Variants in SFTPD observed in about 807,000 individuals in gnomAD.
The protein encoded by SFTPD is surfactant protein D, also known as pulmonary surfactant-associated protein D.
Under a neutral mutation model 34.6 loss-of-function variants are expected in SFTPD, and 18 were observed. The ratio of observed to expected loss-of-function variants is 0.52; its 90% confidence interval spans 0.36 to 0.77. The LOEUF is 0.77. Among genes scored for constraint, SFTPD ranks in the 30% least tolerant of loss-of-function variants. The pLI is 0.00. For missense variants in SFTPD, 433 were observed against 468.9 expected, an observed-to-expected ratio of 0.92 and a Z score of 0.71; for synonymous variants, 155 against 180.9, an observed-to-expected ratio of 0.86 and a Z score of 1.15.
chr10:79,940,890 T>G, intron 6 of SFTPD, 102 bp from the exon 7 acceptor site: 1 of 740,714 alleles, frequency 1.4e-6, no homozygotes, highest in South Asian at 1.6e-5. Context: ...GGGCACATAT[T>G]GTGGGGCTGA....
In SFTPD at chr10:79,941,415, C is replaced by G; in HGVS notation, c.650G>C (p.Gly217Ala). The change falls in exon 6 of 8, where the codon GGA becomes GCA. Residue 217 changes from glycine (G) to alanine (A), a missense_variant. By Grantham distance (60) the Gly-to-Ala change is moderately conservative. Transcript: ENST00000372292. ...TACCTTACCTGGAAGCCCACTTTCT[C>G]CCTTTGCTCCTTTGTCTCCAGGAAT... ...KGIPGDKGAK[G>A]ESGLPDVASL... 6.2e-7 allele frequency: 1 copy of G among 1,614,102 alleles called. No individual in the cohort carries two copies. The highest frequency in any genetic ancestry group is 8.5e-7 in the Non-Finnish European group (1 of 1,179,976).
intron 1 of SFTPD, among the ~76,000 whole-genome samples, chr10:79,947,231 G>A (rs916772312): frequency 2.0e-5 from 3 of 152,246 alleles, no homozygotes; most frequent in Non-Finnish European, 4.4e-5. Flanking sequence ...GGCTGGGAGT[G>A]TGGTGCACAT....
intron 1 of SFTPD, among the ~76,000 whole-genome samples, chr10:79,967,436 G>A (rs553469225): frequency 0.034 from 3,969 of 117,524 alleles, 129 homozygotes; most frequent in Non-Finnish European, 0.051. Context: ...TTTCTTCACA[G>A]AATTGGAAAA....
intron 1 of SFTPD, among the ~76,000 whole-genome samples, chr10:79,962,407 G>A (rs999470554): frequency 3.9e-5 from 6 of 151,938 alleles, no homozygotes; most frequent in Non-Finnish European, 7.4e-5. Flanking sequence ...TGTGCTCTGT[G>A]TATGTAAATA....
At chr10:79,953,828 G>A (rs929398562), upstream of SFTPD, among the ~76,000 whole-genome samples, 35 of 151,802 alleles carry the variant, frequency 2.3e-4, no homozygotes, top group Admixed American at 2.3e-3. Context: ...AGTCCCATAG[G>A]CTTTCTTTAC....
intron 1 of SFTPD, among the ~76,000 whole-genome samples, chr10:79,979,052 C>T (rs1842877451): frequency 6.6e-6 from 1 of 152,014 alleles, no homozygotes; most frequent in South Asian, 2.1e-4. Flanking sequence ...TAAATACTAT[C>T]AACAAACTAT....
intron 1 of SFTPD, chr10:79,971,854 C>T (rs1170512594): frequency 6.6e-6 from 1 of 152,030 alleles, no homozygotes; most frequent in African/African-American, 2.4e-5. Context: ...AAATGTTTGA[C>T]CTTCATGTAC....
intron 1 of SFTPD, among the ~76,000 whole-genome samples, chr10:79,974,727 A>G (rs896983490): frequency 1.3e-5 from 2 of 152,252 alleles, no homozygotes; most frequent in African/African-American, 4.8e-5. Flanking sequence ...GTATATATAC[A>G]GATGTGCCTA....
chr10:79,941,911 G>A (rs777209563), intron 5 of SFTPD, 43 bp downstream of exon 5: 4 of 1,310,692 alleles, frequency 3.1e-6, no homozygotes, highest in Middle Eastern at 2.3e-4. Flanking sequence ...AGCAGGCACA[G>A]GAGAACTGGA....
intron 1 of SFTPD, chr10:79,972,171 C>G (rs1194309558): frequency 6.6e-6 from 1 of 152,140 alleles, no homozygotes; most frequent in Admixed American, 6.6e-5. Flanking sequence ...AATTGGAGAG[C>G]AAAACTAAGG....
chr10:79,972,081 CT>C (rs1365706360), intron 1 of SFTPD: 1 of 152,180 alleles, frequency 6.6e-6, no homozygotes, highest in Non-Finnish European at 1.5e-5. Context: ...AGGTATCAGT[CT>C]TATTACACCA....
At chr10:79,967,156 C>T (rs373448624) in intron 1 of SFTPD, among the ~76,000 whole-genome samples, 7,007 of 119,424 alleles carry the variant, frequency 0.059, 301 homozygotes, top group South Asian at 0.17. Flanking sequence ...TATACACCAA[C>T]AACAGACAAA....
intron 1 of SFTPD, chr10:79,971,424 A>G (rs1480153979): frequency 6.6e-6 from 1 of 152,228 alleles, no homozygotes; most frequent in Admixed American, 6.5e-5. Flanking sequence ...AAGTTTGAGA[A>G]GAATTGGTAT....
chr10:79,957,873 G>A (rs1842749064), intron 1 of SFTPD, among the ~76,000 whole-genome samples: 1 of 152,120 alleles, frequency 6.6e-6, no homozygotes, highest in Non-Finnish European at 1.5e-5. Context: ...TTGAAATGAA[G>A]GAAAAAATGT....
At chr10:79,964,616 G>T (rs553513684) in intron 1 of SFTPD, among the ~76,000 whole-genome samples, 5 of 152,072 alleles carry the variant, frequency 3.3e-5, no homozygotes, top group Admixed American at 6.6e-5. Flanking sequence ...GTTACAAGCC[G>T]CTAGCCCGCC....
At chr10:79,944,018 C>T (rs201526167) in intron 2 of SFTPD, among the ~76,000 whole-genome samples, 5 of 152,222 alleles carry the variant, frequency 3.3e-5, no homozygotes, top group African/African-American at 9.6e-5. Context: ...AGGAGGGGCA[C>T]CTCCCCAAAT....
chr10:79,952,904 CCAA>C (rs1276480037), upstream of SFTPD, among the ~76,000 whole-genome samples: 1 of 152,176 alleles, frequency 6.6e-6, no homozygotes, highest in Non-Finnish European at 1.5e-5. Context: ...GAGGGTTTCT[CCAA>C]CAAGTTCAGC....
chr10:79,959,731 T>A (rs1215181828), intron 1 of SFTPD, among the ~76,000 whole-genome samples: 1 of 152,214 alleles, frequency 6.6e-6, no homozygotes, highest in Non-Finnish European at 1.5e-5. Context: ...GAAGAGCTGG[T>A]ACCATTCCTT....
At chr10:79,973,617 C>CAA (rs5786429) in intron 1 of SFTPD, among the ~76,000 whole-genome samples, 6,752 of 90,258 alleles carry the variant, frequency 0.075, 399 homozygotes, top group Middle Eastern at 0.17. Flanking sequence ...GACTCTGTCT[C>CAA]AAAAAAAAAA....
Sources: allele counts gnomAD v4.1 joint callset (sites outside exome capture counted in the v4.1 genomes callset), GRCh38; gene constraint gnomAD v4.1.1; transcripts MANE v1.5; gene names NCBI Gene and HGNC (gene_info 2026-07-23, HGNC 2026-07-21).